Variants in PLCZ1 observed in about 807,000 individuals in gnomAD.
PLCZ1 encodes the protein 1-phosphatidylinositol 4,5-bisphosphate phosphodiesterase zeta-1.
In PLCZ1, 64 loss-of-function variants were observed where a neutral mutation model predicts 76.8. That is an observed-to-expected ratio of 0.83 (90% confidence interval 0.68 to 1.03). PLCZ1 has a LOEUF of 1.03. Among genes scored for constraint, PLCZ1 ranks in the 50% least tolerant of loss-of-function variants. PLCZ1 has a pLI of 0.00. For synonymous variants in PLCZ1, 248 were observed against 230.8 expected (o/e 1.07, Z -0.68); for missense variants, 751 against 713.7 (o/e 1.05, Z -0.60).
At chr12:18,713,061 A>G in intron 5 of PLCZ1, 75 bp from the exon 6 acceptor site, 2 of 1,560,390 alleles carry the variant, frequency 1.3e-6, no homozygotes, top group East Asian at 4.7e-5. Context: ...AAAATATTCC[A>G]AAGACCATTT....
At chr12:18,694,314 CACAA>C (rs1038634425) in intron 12 of PLCZ1, among the ~76,000 whole-genome samples, 8 of 152,114 alleles carry the variant, frequency 5.3e-5, no homozygotes, top group Admixed American at 1.3e-4. Context: ...CGCGCTCTTT[CACAA>C]ACAAACAAAC....
the PLCZ1 span, among the ~76,000 whole-genome samples, chr12:18,659,519 C>A: frequency 6.6e-6 from 1 of 152,114 alleles, no homozygotes; most frequent in East Asian, 1.9e-4. Context: ...ACATAACTAT[C>A]ATTTAATGCA....
the PLCZ1 span, among the ~76,000 whole-genome samples, chr12:18,677,050 C>G: frequency 2.0e-4 from 31 of 152,146 alleles, no homozygotes; most frequent in South Asian, 1.7e-3. Flanking sequence ...GAGAGTGATT[C>G]TTTCCCAAAA....
chr12:18,736,327 A>G lies in PLCZ1; in HGVS notation c.29T>C (p.Ile10Thr), dbSNP rs768055363. MEMRWFLSK[I>T]QDDFRGGKIN... ...TTTTCCACCTCTGAAGTCATCCTGA[A>G]TCTTTGACAAAAACCATGTAGAAGC... The change falls in exon 3 of 15, where the codon ATT (isoleucine) becomes ACT (threonine). Residue 10 changes from isoleucine to threonine, a missense_variant. Physicochemically the swap from Ile to Thr is moderately conservative, Grantham distance 89. Transcript: ENST00000266505. 3.1e-6 allele frequency: 5 copies of G among 1,612,308 alleles called. No homozygotes were observed. The highest frequency in any genetic ancestry group is 1.1e-5 in the South Asian group (1 of 91,000).
chr12:18,707,618 C>T (rs1034622775), intron 6 of PLCZ1, among the ~76,000 whole-genome samples: 2 of 152,100 alleles, frequency 1.3e-5, no homozygotes, highest in Non-Finnish European at 2.9e-5. Flanking sequence ...TCCCTTAAAA[C>T]TTAGATTTCT....
At chr12:18,667,669 G>C in the PLCZ1 span, among the ~76,000 whole-genome samples, 1 of 152,132 alleles carries the variant, frequency 6.6e-6, no homozygotes, top group African/African-American at 2.4e-5. Flanking sequence ...AAGGCATTGT[G>C]CTACTGCTTT....
At chr12:18,650,664 A>ATATGTGTG in the PLCZ1 span, among the ~76,000 whole-genome samples, 3 of 35,592 alleles carry the variant, frequency 8.4e-5, no homozygotes, top group African/African-American at 3.0e-4. Flanking sequence ...TGGAATATAA[A>ATATGTGTG]TGTGTGTGTG....
chr12:18,721,746 T>A (rs1232287262), intron 4 of PLCZ1, among the ~76,000 whole-genome samples: 1 of 151,242 alleles, frequency 6.6e-6, no homozygotes, highest in African/African-American at 2.4e-5. Context: ...TCTGAACTCA[T>A]CAGTTCTGCT....
chr12:18,689,833 T>C (rs1953785729), intron 12 of PLCZ1, among the ~76,000 whole-genome samples: 1 of 152,162 alleles, frequency 6.6e-6, no homozygotes, highest in African/African-American at 2.4e-5. Flanking sequence ...AGAAAGCTTA[T>C]AGTAAAACTT....
chr12:18,684,911 T>G (rs1387571829), intron 13 of PLCZ1, among the ~76,000 whole-genome samples: 1 of 151,880 alleles, frequency 6.6e-6, no homozygotes, highest in Non-Finnish European at 1.5e-5. Context: ...AAGGCAGTTT[T>G]CCCCACTCTT....
Position 18,721,533 on chromosome 12 carries a change from G to A in PLCZ1, c.367+1778C>T, listed in dbSNP as rs572692811. 2.6e-5 allele frequency among the ~76,000 whole-genome samples: 4 copies of A among 152,038 alleles called. No homozygotes were observed. The East Asian group carries it at 7.7e-4, about 29-fold the overall frequency. Reference sequence around the variant, plus strand: ...CTGCCTCCATCCCAACATCTCATTTGTATCTTTTAATTTACCACCTGAAGT... The same window carrying A: ...CTGCCTCCATCCCAACATCTCATTTATATCTTTTAATTTACCACCTGAAGT... On this transcript the variant is annotated intron_variant, in intron 4 of 14. Transcript: ENST00000266505.
chr12:18,683,565 C>T, intron 14 of PLCZ1: 1 of 1,478,884 alleles, frequency 6.8e-7, no homozygotes, highest in Non-Finnish European at 9.0e-7. Flanking sequence ...CAAAGCGCTG[C>T]ATGATCCAAA....
chr12:18,676,044 T>A, the PLCZ1 span, among the ~76,000 whole-genome samples: 1 of 151,944 alleles, frequency 6.6e-6, no homozygotes, highest in African/African-American at 2.4e-5. Flanking sequence ...GGAAAAAAAA[T>A]TATACCATCA....
chr12:18,717,552 A>G lies in PLCZ1; in HGVS notation c.569+1879T>C, dbSNP rs553537862. On this transcript the variant is annotated intron_variant, in intron 5 of 14. Coordinates refer to ENST00000266505, the MANE Select transcript of PLCZ1 (RefSeq NM_033123.4). The stretch of plus-strand genomic sequence containing the variant: ...CTGATAACTTCTGAATTCCACACAC[A>G]CATAGATCAGACTATCTGATCTAGC... 7.6e-4 allele frequency among the ~76,000 whole-genome samples: 116 copies of G among 152,272 alleles called. No individual in the cohort carries two copies. In the South Asian group the frequency reaches 8.7e-3, roughly 11 times the overall value.
intron 3 of PLCZ1, among the ~76,000 whole-genome samples, chr12:18,730,812 A>G (rs886599241): frequency 6.6e-6 from 1 of 152,218 alleles, no homozygotes; most frequent in African/African-American, 2.4e-5. Flanking sequence ...CATTTGATAC[A>G]GATTTCAATA....
chr12:18,658,919 G>T, the PLCZ1 span, among the ~76,000 whole-genome samples: 9 of 151,726 alleles, frequency 5.9e-5, no homozygotes, highest in African/African-American at 2.2e-4. Flanking sequence ...TATTTTTTTT[G>T]TACATTTACC....
chr12:18,734,231 T>C (rs544706060), intron 3 of PLCZ1, among the ~76,000 whole-genome samples: 2 of 152,356 alleles, frequency 1.3e-5, no homozygotes, highest in East Asian at 3.9e-4. Flanking sequence ...GAAAATGTTT[T>C]CTTGATTTCT....
the PLCZ1 span, among the ~76,000 whole-genome samples, chr12:18,660,940 A>G: frequency 6.6e-6 from 1 of 152,166 alleles, no homozygotes; most frequent in African/African-American, 2.4e-5. Context: ...TGAACAAAAT[A>G]AAAAGATCAA....
At chr12:18,713,106 ACT>A in intron 5 of PLCZ1, 120 bp from the exon 6 acceptor site, 1 of 1,331,938 alleles carries the variant, frequency 7.5e-7, no homozygotes, top group Non-Finnish European at 1.0e-6. Flanking sequence ...AGTCCATAAA[ACT>A]CTATAAAAAC....
Sources: gnomAD v4.1 joint callset for allele counts (sites outside exome capture counted in the v4.1 genomes callset) on GRCh38, gnomAD v4.1.1 for gene constraint, MANE v1.5 for transcripts, NCBI Gene and HGNC (gene_info 2026-07-23, HGNC 2026-07-21) for gene names.